The following CSMD1 variants were observed in gnomAD, a reference collection of about 807,000 sequenced individuals.
CSMD1 encodes CUB and Sushi multiple domains 1.
A neutral mutation model predicts 417.5 loss-of-function variants in CSMD1; 213 were observed. The observed-to-expected ratio is 0.51, with a 90% CI of 0.46 to 0.57. The LOEUF is 0.57. Among genes scored for constraint, CSMD1 ranks in the 20% least tolerant of loss-of-function variants. The pLI is 0.00. For missense variants in CSMD1, 6,923 were observed against 4,529.7 expected (o/e 1.53, Z -15.17); for synonymous variants, 2,862 against 1,736.8 (o/e 1.65, Z -16.11).
intron 50 of CSMD1, among the ~76,000 whole-genome samples, chr8:3,048,734 G>C (rs2128987550): frequency 6.6e-6 from 1 of 151,722 alleles, no homozygotes; most frequent in South Asian, 2.1e-4. Context: ...CAGATATGTT[G>C]AACTTCATTA....
At chr8:4,504,629 C>A (rs1046352753) in intron 2 of CSMD1, among the ~76,000 whole-genome samples, 8 of 152,130 alleles carry the variant, frequency 5.3e-5, no homozygotes, top group Non-Finnish European at 1.2e-4. Flanking sequence ...CTCTCCCTCC[C>A]CTTGGCCCCC....
chr8:3,792,691 T>G (rs117256643), intron 5 of CSMD1, among the ~76,000 whole-genome samples: 1,721 of 152,294 alleles, frequency 0.011, 16 homozygotes, highest in Non-Finnish European at 0.017. Context: ...ATGAAATCTT[T>G]TCTAAAATTG....
In CSMD1 at chr8:2,978,830, T is replaced by G. The variant is rs550336871; in HGVS notation, c.8378-30A>C. ...AAAATAAAACATTTCACACACCATT[T>G]AGAAACAGCTAGAAATAACAACAAA... is the stretch of plus-strand genomic sequence containing the variant. On this transcript the variant is annotated intron_variant, in intron 54 of 69. Coordinates refer to ENST00000635120, the MANE Select transcript of CSMD1 (RefSeq NM_033225.6). 3.5e-5 allele frequency: 53 copies of G among 1,524,318 alleles called. No homozygotes were observed. In the East Asian group the frequency reaches 1.2e-3, roughly 33 times the overall value. The allele number at this position is 1,524,318 out of a possible 1,614,324, so 94.4% of individuals were successfully genotyped here.
intron 36 of CSMD1, among the ~76,000 whole-genome samples, chr8:3,184,944 A>C (rs1173001968): frequency 2.6e-5 from 4 of 152,178 alleles, no homozygotes; most frequent in Non-Finnish European, 5.9e-5. Context: ...TCAGGCTACC[A>C]CTTTGTTTTC....
intron 3 of CSMD1, among the ~76,000 whole-genome samples, chr8:4,245,444 C>T (rs966010133): frequency 6.6e-6 from 1 of 152,058 alleles, no homozygotes; most frequent in African/African-American, 2.4e-5. Context: ...AGGTGGTGCT[C>T]AACACAATCA....
At chr8:3,798,582 G>A (rs1800290473) in intron 5 of CSMD1, among the ~76,000 whole-genome samples, 1 of 151,994 alleles carries the variant, frequency 6.6e-6, no homozygotes, top group Non-Finnish European at 1.5e-5. Context: ...GCAATGAAAA[G>A]GCAATTATAA....
intron 57 of CSMD1, 70 bp from the exon 58 acceptor site, chr8:2,966,816 C>CCAATGG (rs1248186924): frequency 7.0e-7 from 1 of 1,425,340 alleles, no homozygotes; most frequent in African/African-American, 1.4e-5. Flanking sequence ...ACACAAGAGA[C>CCAATGG]CAATGGGTAT....
intron 3 of CSMD1, among the ~76,000 whole-genome samples, chr8:4,130,700 G>T (rs1306143287): frequency 6.7e-6 from 1 of 148,974 alleles, no homozygotes; most frequent in Non-Finnish European, 1.5e-5. Context: ...ATTTTGGAGG[G>T]GAGTAGATAA....
chr8:3,535,991 T>A (rs990850260), intron 10 of CSMD1, among the ~76,000 whole-genome samples: 18 of 152,244 alleles, frequency 1.2e-4, no homozygotes, highest in African/African-American at 4.3e-4. Context: ...GGAGGGACTC[T>A]CCCAGCAACT....
intron 1 of CSMD1, among the ~76,000 whole-genome samples, chr8:4,823,478 A>T (rs1398020976): frequency 6.6e-6 from 1 of 152,006 alleles, no homozygotes; most frequent in Non-Finnish European, 1.5e-5. Context: ...GCAACCGAGG[A>T]TTCCATAGAA....
chr8:4,353,234 C>A (rs1201385841), intron 3 of CSMD1, among the ~76,000 whole-genome samples: 1 of 152,028 alleles, frequency 6.6e-6, no homozygotes, highest in East Asian at 1.9e-4. Context: ...CGACGGTTTC[C>A]CCCAGACTGT....
At chr8:3,416,477 A>C (rs368332680) in intron 12 of CSMD1, among the ~76,000 whole-genome samples, 4 of 152,202 alleles carry the variant, frequency 2.6e-5, no homozygotes, top group African/African-American at 7.2e-5. Context: ...CAATTTCCAC[A>C]TAAGAATGTA....
rs532229659 is a variant in CSMD1 at position 3,743,943 on chromosome 8, T to C, written c.931+9987A>G. 2.0e-5 allele frequency among the ~76,000 whole-genome samples: 3 copies of C among 152,280 alleles called. No homozygotes were observed. In the East Asian group the frequency reaches 5.8e-4, roughly 29 times the overall value. On this transcript the variant is annotated intron_variant, in intron 6 of 69. Coordinates refer to ENST00000635120, the MANE Select transcript of CSMD1 (RefSeq NM_033225.6). Reference sequence around the variant, plus strand: ...TCACCTTACATAAAAAATTGGAGAATCACTGACCCAGACAGAGGCATGAAT... The same window carrying C: ...TCACCTTACATAAAAAATTGGAGAACCACTGACCCAGACAGAGGCATGAAT...
intron 23 of CSMD1, among the ~76,000 whole-genome samples, chr8:3,311,096 A>T (rs1805308529): frequency 6.6e-6 from 1 of 151,940 alleles, no homozygotes; most frequent in Non-Finnish European, 1.5e-5. Flanking sequence ...TAATATACCT[A>T]ACTAACTTTC....
intron 3 of CSMD1, among the ~76,000 whole-genome samples, chr8:4,107,006 A>T (rs930716512): frequency 6.6e-6 from 1 of 152,228 alleles, no homozygotes; most frequent in Admixed American, 6.5e-5. Context: ...CAACACTAAC[A>T]GGAGAGAAAA....
chr8:4,871,858 C>G (rs537805926), intron 1 of CSMD1, among the ~76,000 whole-genome samples: 8 of 152,168 alleles, frequency 5.3e-5, no homozygotes, highest in South Asian at 4.2e-4. Context: ...CAGCAGGTCT[C>G]CAGTTGGTCA....
At chr8:4,994,010 C>T (rs1811621508) in intron 1 of CSMD1, among the ~76,000 whole-genome samples, 2 of 152,188 alleles carry the variant, frequency 1.3e-5, no homozygotes, top group Non-Finnish European at 1.5e-5. Flanking sequence ...GCAACACCGC[C>T]CCGGCGGAGC....
intron 3 of CSMD1, among the ~76,000 whole-genome samples, chr8:4,074,898 G>C (rs1799742620): frequency 1.3e-5 from 2 of 152,048 alleles, no homozygotes; most frequent in South Asian, 4.1e-4. Flanking sequence ...CCACGTGGCA[G>C]AAGTAGTTTC....
At chr8:4,612,669 C>T (rs966238543) in intron 2 of CSMD1, among the ~76,000 whole-genome samples, 3 of 152,142 alleles carry the variant, frequency 2.0e-5, no homozygotes. Flanking sequence ...TACTCAACTG[C>T]CACCCAAACC....
Sources: gnomAD v4.1 joint callset for allele counts (sites outside exome capture counted in the v4.1 genomes callset) on GRCh38, gnomAD v4.1.1 for gene constraint, MANE v1.5 for transcripts, NCBI Gene and HGNC (gene_info 2026-07-23, HGNC 2026-07-21) for gene names.